Variants in NFATC3 observed in about 807,000 individuals in gnomAD.
The protein encoded by NFATC3 is nuclear factor of activated T cells 3.
Under a neutral mutation model 98.6 loss-of-function variants are expected in NFATC3, and 46 were observed. The observed-to-expected ratio is 0.47, with a 90% CI of 0.37 to 0.60. The LOEUF is 0.60. Among genes scored for constraint, NFATC3 ranks in the 20% least tolerant of loss-of-function variants. The pLI, the probability that NFATC3 is intolerant of heterozygous loss-of-function variation, is 0.00. For missense variants in NFATC3, 1,256 were observed against 1,295.5 expected (o/e 0.97, Z 0.47); for synonymous variants, 512 against 472.2 (o/e 1.08, Z -1.09).
At chr16:68,134,850 T>C (rs1184910888) in intron 3 of NFATC3, among the ~76,000 whole-genome samples, 1 of 152,222 alleles carries the variant, frequency 6.6e-6, no homozygotes, top group African/African-American at 2.4e-5. Context: ...ACTTGTTTTC[T>C]ATTTTAAGAA....
chr16:68,226,183 T>C (rs2042032061), intron 9 of NFATC3, 167 bp from the exon 10 acceptor site: 1 of 695,718 alleles, frequency 1.4e-6, no homozygotes, highest in South Asian at 2.6e-5. Flanking sequence ...TGTGGAGCGA[T>C]GTTTCCATCT....
chr16:68,164,836 C>T (rs937116543), intron 4 of NFATC3, among the ~76,000 whole-genome samples: 3 of 152,034 alleles, frequency 2.0e-5, no homozygotes, highest in Non-Finnish European at 4.4e-5. Flanking sequence ...GCCAAGATGG[C>T]GCCACTGCAC....
At chr16:68,160,693 A>ATT (rs60641205) in intron 4 of NFATC3, among the ~76,000 whole-genome samples, 12 of 147,466 alleles carry the variant, frequency 8.1e-5, no homozygotes, top group Admixed American at 2.0e-4. Context: ...CTACTCTTAA[A>ATT]TTTTTTTTTT....
intron 6 of NFATC3, among the ~76,000 whole-genome samples, chr16:68,177,098 A>T (rs2039752322): frequency 6.7e-6 from 1 of 148,334 alleles, no homozygotes; most frequent in Non-Finnish European, 1.5e-5. Context: ...GGCTGCATGC[A>T]ATGCCGTGGT....
intron 1 of NFATC3, among the ~76,000 whole-genome samples, chr16:68,104,896 C>T (rs944672496): frequency 6.6e-6 from 1 of 151,726 alleles, no homozygotes; most frequent in Admixed American, 6.6e-5. Context: ...CCTCATGATC[C>T]GCCCCTCTTG....
At chr16:68,186,135 CTG>C (rs1471635140) in intron 8 of NFATC3, among the ~76,000 whole-genome samples, 1 of 151,508 alleles carries the variant, frequency 6.6e-6, no homozygotes, top group African/African-American at 2.4e-5. Context: ...GTTACTATCT[CTG>C]TAGCATTTAG....
chr16:68,204,770 T>C (rs2041074255), intron 9 of NFATC3, among the ~76,000 whole-genome samples: 1 of 152,240 alleles, frequency 6.6e-6, no homozygotes, highest in South Asian at 2.1e-4. Context: ...GATATCCTTT[T>C]TTTGAGTTCC....
chr16:68,192,225 AAAAAAATATATATAT>A (rs1168988830), intron 9 of NFATC3: 3 of 79,072 alleles, frequency 3.8e-5, no homozygotes, highest in Non-Finnish European at 7.6e-5. Context: ...AAAAAAAAAA[AAAAAAATATATATAT>A]ATATATATAT....
At chr16:68,107,729 A>C (rs1567500684) in intron 1 of NFATC3, among the ~76,000 whole-genome samples, 2 of 150,754 alleles carry the variant, frequency 1.3e-5, no homozygotes, top group African/African-American at 4.9e-5. Flanking sequence ...TATCAAAAAA[A>C]TATAATAATA....
chr16:68,209,032 T>C (rs1301342889), intron 9 of NFATC3, among the ~76,000 whole-genome samples: 1 of 152,198 alleles, frequency 6.6e-6, no homozygotes, highest in East Asian at 1.9e-4. Flanking sequence ...GGTAGGCTAG[T>C]AGAAGTGGTG....
chr16:68,135,410 A>T (rs2037340103), intron 3 of NFATC3, among the ~76,000 whole-genome samples: 1 of 135,712 alleles, frequency 7.4e-6, no homozygotes, highest in African/African-American at 2.8e-5. Context: ...GTGAGCTGAG[A>T]TTGCGCCGCT....
chr16:68,157,617 T>C (rs2038687041), intron 3 of NFATC3, among the ~76,000 whole-genome samples: 1 of 152,178 alleles, frequency 6.6e-6, no homozygotes, highest in Admixed American at 6.5e-5. Flanking sequence ...TTTTGGTCGA[T>C]CTAGATATTT....
chr16:68,093,999 GCTT>G (rs2151445767), intron 1 of NFATC3, among the ~76,000 whole-genome samples: 1 of 152,302 alleles, frequency 6.6e-6, no homozygotes, highest in East Asian at 1.9e-4. Flanking sequence ...CTTGAGGGAT[GCTT>G]CTTATTCCTG....
chr16:68,150,324 A>G (rs2038248553), intron 3 of NFATC3, among the ~76,000 whole-genome samples: 1 of 151,800 alleles, frequency 6.6e-6, no homozygotes, highest in African/African-American at 2.4e-5. Context: ...TGCCCGTAAT[A>G]CCAGCATTTT....
At chr16:68,167,810 C>CATTTTTTT (rs2039270785) in intron 5 of NFATC3, among the ~76,000 whole-genome samples, 1 of 23,898 alleles carries the variant, frequency 4.2e-5, no homozygotes, top group Admixed American at 7.6e-4. Flanking sequence ...CGTATGTGTT[C>CATTTTTTT]TTTTTTTTTT....
At position 68,190,839 on chromosome 16, in the gene NFATC3, G is replaced by C. The variant is rs144001602; in HGVS notation, c.2170G>C (p.Ala724Pro). Reference protein sequence around the residue: ...SVPSLPVPHPAQTQRPSSDSG... With the variant: ...SVPSLPVPHPPQTQRPSSDSG... ...TCCATCTTTGCCTGTGCCTCATCCTGCTCAGACCCAGAGGCCTTCCTCTGA... is the reference window on the plus strand; with the variant it reads ...TCCATCTTTGCCTGTGCCTCATCCTCCTCAGACCCAGAGGCCTTCCTCTGA... The change falls in exon 9 of 10, where the codon GCT becomes CCT. Residue 724 changes from alanine to proline, a missense_variant. By Grantham distance (27) the Ala-to-Pro change is conservative. Transcript: ENST00000346183. 3.1e-6 allele frequency: 5 copies of C among 1,614,062 alleles called. No homozygotes were observed. The highest frequency in any genetic ancestry group is 4.2e-6 in the Non-Finnish European group (5 of 1,180,038).
At chr16:68,098,770 T>G (rs748444848) in intron 1 of NFATC3, among the ~76,000 whole-genome samples, 22 of 152,250 alleles carry the variant, frequency 1.4e-4, no homozygotes, top group Non-Finnish European at 2.9e-4. Flanking sequence ...AGGTTTAGTT[T>G]ATATTTTCCA....
chr16:68,207,760 C>G (rs1208998036), intron 9 of NFATC3, among the ~76,000 whole-genome samples: 1 of 152,174 alleles, frequency 6.6e-6, no homozygotes, highest in Non-Finnish European at 1.5e-5. Flanking sequence ...CCAAGCCCAG[C>G]CTCCATGTTC....
rs2042040917 is a variant in NFATC3, at chr16:68,226,496, C to T, written c.*25C>T. 2.0e-6 allele frequency: 3 copies of T among 1,465,820 alleles called. No homozygotes were observed. Among genetic ancestry groups the T allele is most frequent in the Admixed American group, 2.8e-5 (1 of 35,108 alleles). 90.8% of individuals were successfully genotyped at this position (1,465,820 alleles called of 1,614,324 possible). A position where few individuals can be genotyped will look rare whatever the true frequency, so the allele number is the denominator to read the frequency against. On this transcript the variant is annotated 3_prime_UTR_variant, in exon 10 of 10. Transcript: ENST00000346183. Reference sequence around the variant, plus strand: ...ACAGTGCTTACTGCAGCCTTGTGTCCACCACCAACTTCTCAGCATGTTTCT... The same window carrying T: ...ACAGTGCTTACTGCAGCCTTGTGTCTACCACCAACTTCTCAGCATGTTTCT...
Sources: gnomAD v4.1 joint callset for allele counts (sites outside exome capture counted in the v4.1 genomes callset) on GRCh38, gnomAD v4.1.1 for gene constraint, MANE v1.5 for transcripts, NCBI Gene and HGNC (gene_info 2026-07-23, HGNC 2026-07-21) for gene names.